Variants in CNGA4 observed in about 807,000 individuals in gnomAD.
The protein encoded by CNGA4 is cyclic nucleotide-gated channel alpha-4.
In CNGA4, 32 loss-of-function variants were observed where a neutral mutation model predicts 45.6. That is an observed-to-expected ratio of 0.70 (90% CI 0.53 to 0.94). CNGA4 has a LOEUF of 0.94. Among genes scored for constraint, CNGA4 ranks in the 40% least tolerant of loss-of-function variants. The pLI is 0.00. For missense variants in CNGA4, 726 were observed against 755.1 expected (o/e 0.96, Z 0.45); for synonymous variants, 293 against 304.6 (o/e 0.96, Z 0.40).
downstream of CNGA4, among the ~76,000 whole-genome samples, chr11:6,244,865 G>C (rs555506149): frequency 6.6e-6 from 1 of 152,180 alleles, no homozygotes; most frequent in African/African-American, 2.4e-5. This position sits in a 1 kb window ranked among gnomAD's most constrained non-coding sequence, Gnocchi z 4.5. Flanking sequence ...AAACACAAAA[G>C]CACACCCTGA....
At chr11:6,235,808 G>A (rs1160758562), upstream of CNGA4, among the ~76,000 whole-genome samples, 3 of 151,820 alleles carry the variant, frequency 2.0e-5, no homozygotes, top group African/African-American at 7.3e-5. Flanking sequence ...GCGTAGTGGC[G>A]CGCGCCTGTA....
upstream of CNGA4, chr11:6,235,005 T>C (rs1564874604): frequency 6.5e-6 from 1 of 152,838 alleles, no homozygotes; most frequent in African/African-American, 2.4e-5. Context: ...AGGCGATTTT[T>C]ACAGGCAGGG....
intron 2 of CNGA4, 50 bp from the exon 3 acceptor site, chr11:6,239,634 C>G (rs766591273): frequency 1.9e-5 from 30 of 1,587,322 alleles, no homozygotes; most frequent in Non-Finnish European, 8.6e-7. Context: ...GGAGACGCCT[C>G]GCACACAGAG....
chr11:6,241,599 G>A lies in CNGA4; in HGVS notation c.1086G>A (p.Leu362=), dbSNP rs1847919823. The part of the protein sequence containing the change: ...CEASLLEELV[L]KLQPQTYSPG... ...CCAGCCTGCTGGAGGAGCTGGTGCT[G>A]AAGCTGCAGCCCCAGACCTACTCAC... The change falls in exon 5 of 6, where the codon CTG becomes CTA. Residue 362 remains leucine, a synonymous_variant. Transcript: ENST00000379936. 4 of 1,614,004 alleles carry A rather than the reference G, an allele frequency of 2.5e-6. No homozygotes were observed. In the African/African-American group the frequency reaches 4.0e-5, roughly 16 times the overall value.
chr11:6,244,326 G>A lies in CNGA4; in HGVS notation c.1645G>A (p.Asp549Asn), dbSNP rs1426948733. 3 of 1,614,178 alleles carry A rather than the reference G, an allele frequency of 1.9e-6. No individual in the cohort carries two copies. The highest frequency in any genetic ancestry group is 3.3e-5 in the Admixed American group (2 of 60,030). Residue 549 changes from aspartate to asparagine, a missense_variant, in exon 6 of 6, where the codon GAT becomes AAT. By Grantham distance (23) the Asp-to-Asn change is conservative (BLOSUM62 1). Coordinates refer to ENST00000379936, the MANE Select transcript of CNGA4 (RefSeq NM_001037329.4). The surrounding 1 kb of genome is among the most constrained non-coding windows in gnomAD (Gnocchi z 4.5). ...WPMPEDLAEA[D>N]DEGEPEEGTS... The stretch of plus-strand genomic sequence containing the variant: ...AATGCCCGAGGACCTGGCTGAGGCT[G>A]ATGACGAGGGTGAGCCTGAGGAGGG...
upstream of CNGA4, among the ~76,000 whole-genome samples, chr11:6,235,273 C>T (rs1300556660): frequency 6.6e-6 from 1 of 152,170 alleles, no homozygotes; most frequent in Non-Finnish European, 1.5e-5. Context: ...TTTAGTACCC[C>T]AGCGGTGACT....
At chr11:6,242,044 C>A in intron 5 of CNGA4, 1 of 533,404 alleles carries the variant, frequency 1.9e-6, no homozygotes, top group Admixed American at 3.5e-5. Flanking sequence ...ACCTGAAGCA[C>A]CAATAGACTA....
Position 6,240,821 on chromosome 11 carries a change from T to C in CNGA4, c.917+110T>C. 7.4e-7 allele frequency: 1 copy of C among 1,355,424 alleles called. No individual in the cohort carries two copies. The highest frequency in any genetic ancestry group is 1.0e-6 in the Non-Finnish European group (1 of 989,926). 84.0% of individuals were successfully genotyped at this position (1,355,424 alleles called of 1,614,324 possible). ...TGAGCCAGGCAAGGCTGTCAAAATG[T>C]AGCATTCAGCCGTGGGTTTGCTGGC... On this transcript the variant is annotated intron_variant, in intron 4 of 5. Coordinates refer to ENST00000379936, the MANE Select transcript of CNGA4 (RefSeq NM_001037329.4). This position sits in a 1 kb window ranked among gnomAD's most constrained non-coding sequence, Gnocchi z 4.9.
chr11:6,243,041 G>A (rs1590654840), intron 5 of CNGA4, among the ~76,000 whole-genome samples: 1 of 152,088 alleles, frequency 6.6e-6, no homozygotes, highest in African/African-American at 2.4e-5. Flanking sequence ...CACACTCTGC[G>A]CTTCTCGCAC....
rs759024495 is a variant in CNGA4, at chr11:6,240,234, C to G, written c.440C>G (p.Ala147Gly). Residue 147 changes from alanine (A) to glycine (G), a missense_variant, in exon 4 of 6, where the codon GCG becomes GGG. Coordinates refer to ENST00000379936, the MANE Select transcript of CNGA4 (RefSeq NM_001037329.4). The surrounding 1 kb of genome is among the most constrained non-coding windows in gnomAD (Gnocchi z 4.9). Reference sequence around the variant, plus strand: ...CTGAGGCTGAACCGCTTTCTCCGCGCGCCCCGCCTCTTCGAGGCCTTCGAC... The same window carrying G: ...CTGAGGCTGAACCGCTTTCTCCGCGGGCCCCGCCTCTTCGAGGCCTTCGAC... ...PTLRLNRFLR[A>G]PRLFEAFDRT... The G allele has an allele frequency of 1.2e-6, 2 of 1,614,226 alleles. No individual in the cohort carries two copies. Among genetic ancestry groups the G allele is most frequent in the East Asian group, 4.5e-5 (2 of 44,886 alleles).
At position 6,240,666 on chromosome 11, in the gene CNGA4, A is replaced by G; in HGVS notation, c.872A>G (p.Lys291Arg). The G allele has an allele frequency of 6.2e-7, 1 of 1,614,008 alleles. No homozygotes were observed. The change falls in exon 4 of 6, where the codon AAG (lysine) becomes AGG (arginine). Residue 291 changes from lysine (K) to arginine (R), a missense_variant. Lys to Arg is a conservative substitution (Grantham distance 26). Coordinates refer to ENST00000379936, the MANE Select transcript of CNGA4 (RefSeq NM_001037329.4). The surrounding 1 kb of genome is among the most constrained non-coding windows in gnomAD (Gnocchi z 4.9). ...PDHALVKKYM[K>R]LQHVNRKLER... ...CATGCACTGGTGAAGAAGTACATGA[A>G]GCTGCAGCACGTCAACCGCAAGCTG...
chr11:6,241,483 C>T lies in CNGA4; in HGVS notation c.970C>T (p.Gln324Ter), dbSNP rs374184949. The change falls in exon 5 of 6, where the codon CAG becomes TAG. Residue 324 changes from glutamine (Q) to a stop codon, truncating the protein, a stop_gained. Coordinates refer to ENST00000379936, the MANE Select transcript of CNGA4 (RefSeq NM_001037329.4). LOFTEE classifies it high-confidence loss of function. Reference sequence around the variant, plus strand: ...GATGACCAACGAGGTAGCCATCTTACAGCACTTGCCTGAGCGGCTGCGGGC... The same window carrying T: ...GATGACCAACGAGGTAGCCATCTTATAGCACTTGCCTGAGCGGCTGCGGGC... ...KKMTNEVAILQHLPERLRAEV... is the reference protein window; with the variant it reads ...KKMTNEVAIL 6 of 1,608,424 alleles carry T rather than the reference C, an allele frequency of 3.7e-6. No individual in the cohort carries two copies. Among genetic ancestry groups the T allele is most frequent in the African/African-American group, 1.3e-5 (1 of 74,990 alleles).
rs778759273 is a variant in CNGA4 at position 6,239,276 on chromosome 11, G to GTCCTGGTCCCT, written c.62+10_62+20dup. Reference sequence around the variant, plus strand: ...AGCCCCATCCAAGGCCAGGTGAGAAGTCCTGGTCCCTTGTGTGGGATCTCT... The same window carrying GTCCTGGTCCCT: ...AGCCCCATCCAAGGCCAGGTGAGAAGTCCTGGTCCCTTCCTGGTCCCTTGTGTGGGATCTCT... On this transcript the variant is annotated intron_variant, in intron 1 of 5. Transcript: ENST00000379936. 4.6e-5 allele frequency: 74 copies of GTCCTGGTCCCT among 1,614,118 alleles called. No homozygotes were observed. The highest frequency in any genetic ancestry group is 6.2e-5 in the Non-Finnish European group (73 of 1,179,930).
chr11:6,244,521 T>A (rs1847966002), downstream of CNGA4: 2 of 1,065,602 alleles, frequency 1.9e-6, no homozygotes, highest in Non-Finnish European at 2.7e-6. The surrounding 1 kb of genome is among the most constrained non-coding windows in gnomAD (Gnocchi z 4.5). Flanking sequence ...CAGGAGCGAA[T>A]TGGTCTGTAG....
Position 6,239,776 on chromosome 11 carries a change from T to G in CNGA4, c.257T>G (p.Val86Gly). ...CTGCTATACCTACTAGACATGGTGG[T>G]GCGCTTCCACACAGGTCAGTGGGCT... Reference protein sequence around the residue: ...SDLLYLLDMVVRFHTGFLEQG... With the variant: ...SDLLYLLDMVGRFHTGFLEQG... Residue 86 changes from valine to glycine, a missense_variant, in exon 3 of 6, where the codon GTG (valine) becomes GGG (glycine). Coordinates refer to ENST00000379936, the MANE Select transcript of CNGA4 (RefSeq NM_001037329.4). 6.2e-7 allele frequency: 1 copy of G among 1,613,812 alleles called. No individual in the cohort carries two copies. Among genetic ancestry groups the G allele is most frequent in the Non-Finnish European group, 8.5e-7 (1 of 1,179,802 alleles).
chr11:6,235,040 G>GA (rs1425683971), upstream of CNGA4, among the ~76,000 whole-genome samples: 3 of 152,232 alleles, frequency 2.0e-5, no homozygotes, highest in Non-Finnish European at 2.9e-5. Flanking sequence ...CGGGGCTTGG[G>GA]AGAGATGGAG....
At chr11:6,237,558 A>G (rs537978733), upstream of CNGA4, among the ~76,000 whole-genome samples, 479 of 152,244 alleles carry the variant, frequency 3.1e-3, 1 homozygote, top group African/African-American at 0.011. Context: ...ATCCAAGAAA[A>G]AAAAAAAACA....
chr11:6,243,875 C>G, intron 5 of CNGA4, 74 bp from the exon 6 acceptor site: 1 of 1,362,210 alleles, frequency 7.3e-7, no homozygotes, highest in South Asian at 1.3e-5. Flanking sequence ...AGGTGAAGGT[C>G]CTGGTTCAGG....
upstream of CNGA4, among the ~76,000 whole-genome samples, chr11:6,236,117 A>G (rs562200695): frequency 3.3e-5 from 5 of 152,332 alleles, no homozygotes; most frequent in Non-Finnish European, 7.3e-5. Flanking sequence ...GTTCAAATAA[A>G]AAGTATTTAA....
Sources: gnomAD v4.1 joint callset for allele counts (sites outside exome capture counted in the v4.1 genomes callset) on GRCh38, gnomAD v4.1.1 for gene constraint, Gnocchi (gnomAD v3.1) non-coding constraint, MANE v1.5 for transcripts, NCBI Gene and HGNC (gene_info 2026-07-23, HGNC 2026-07-21) for gene names.